The following CSMD1 variants were observed in gnomAD, a reference collection of about 807,000 sequenced individuals.
The protein encoded by CSMD1 is CUB and sushi domain-containing protein 1.
CSMD1 carries 213 observed loss-of-function variants against 417.5 expected under a neutral mutation model. That is an observed-to-expected ratio of 0.51 (90% CI 0.46 to 0.57). The LOEUF (loss-of-function observed/expected upper bound fraction) is 0.57, where lower values mean the gene tolerates loss of function less well. CSMD1 is among the 20% of genes least tolerant of loss of function. The probability of loss-of-function intolerance (pLI) is 0.00; values close to 1 mark genes in which losing one functional copy is unlikely to be tolerated. For synonymous variants in CSMD1, 2,862 were observed against 1,736.8 expected, an observed-to-expected ratio of 1.65 and a Z score of -16.11; for missense variants, 6,923 against 4,529.7, an observed-to-expected ratio of 1.53 and a Z score of -15.17.
intron 49 of CSMD1, among the ~76,000 whole-genome samples, chr8:3,061,352 A>C (rs1251444031): frequency 4.6e-5 from 7 of 152,222 alleles, no homozygotes; most frequent in African/African-American, 1.7e-4. Context: ...AATGTAAAAG[A>C]AAGCATTTTT....
chr8:4,570,285 C>T (rs2693801), intron 2 of CSMD1, among the ~76,000 whole-genome samples: 151,155 of 152,290 alleles, frequency 0.99, 75,027 homozygotes, highest in Middle Eastern at 1. Context: ...TTGTCATACA[C>T]AGCTCTTATT....
chr8:3,719,435 G>A (rs1009887135), intron 6 of CSMD1, among the ~76,000 whole-genome samples: 1 of 152,092 alleles, frequency 6.6e-6, no homozygotes, highest in Non-Finnish European at 1.5e-5. Context: ...CTTTTTCCAG[G>A]CACATAATGC....
chr8:4,411,260 T>C (rs77579838), intron 3 of CSMD1, among the ~76,000 whole-genome samples: 1 of 152,316 alleles, frequency 6.6e-6, no homozygotes, highest in East Asian at 1.9e-4. Context: ...AAATTGATTA[T>C]GAAATGGGCT....
chr8:3,934,593 G>A (rs1052945962), intron 5 of CSMD1, among the ~76,000 whole-genome samples: 2 of 152,258 alleles, frequency 1.3e-5, no homozygotes, highest in Admixed American at 6.5e-5. Context: ...GGTGGCTGAT[G>A]CCTGTAATCT....
In CSMD1 at chr8:3,035,482, T is replaced by C. The variant is rs139053143; in HGVS notation, c.7661-5969A>G. Among the ~76,000 whole-genome samples, 108 of 152,282 alleles carry C rather than the reference T, an allele frequency of 7.1e-4. 2 individuals carry two copies. In the East Asian group the frequency reaches 0.02, roughly 28 times the overall value. On this transcript the variant is annotated intron_variant, in intron 50 of 69. Coordinates refer to ENST00000635120, the MANE Select transcript of CSMD1 (RefSeq NM_033225.6). ...TCATGTTGTGTTTCTGACTTGTCAC[T>C]TTCCCTGAACACTAGAAACAATACG...
At chr8:4,160,331 G>C (rs551043347) in intron 3 of CSMD1, among the ~76,000 whole-genome samples, 127 of 152,194 alleles carry the variant, frequency 8.3e-4, no homozygotes, top group African/African-American at 2.9e-3. Flanking sequence ...ATAAAATAAT[G>C]ATTGAAAACC....
chr8:4,528,208 T>TTTC (rs1338345894), intron 2 of CSMD1, among the ~76,000 whole-genome samples: 22 of 152,330 alleles, frequency 1.4e-4, no homozygotes, highest in African/African-American at 5.1e-4. Flanking sequence ...TGTTTCCAAC[T>TTTC]TTCTGTTCCA....
chr8:3,324,326 C>CCT, intron 23 of CSMD1, among the ~76,000 whole-genome samples: 2 of 151,872 alleles, frequency 1.3e-5, no homozygotes, highest in African/African-American at 4.8e-5. Flanking sequence ...CTTCACCCCA[C>CCT]TAGTCGTCAC....
chr8:4,306,777 T>C (rs1055217068), intron 3 of CSMD1, among the ~76,000 whole-genome samples: 1 of 152,068 alleles, frequency 6.6e-6, no homozygotes, highest in Non-Finnish European at 1.5e-5. Context: ...AGTCCACAGA[T>C]CAGCCCTTCT....
chr8:4,780,917 A>AT (rs1459484024), intron 1 of CSMD1, among the ~76,000 whole-genome samples: 1 of 152,168 alleles, frequency 6.6e-6, no homozygotes, highest in Non-Finnish European at 1.5e-5. Flanking sequence ...TATTGTAATT[A>AT]TTTTTTAAAA....
chr8:4,956,419 A>G (rs1366512231), intron 1 of CSMD1, among the ~76,000 whole-genome samples: 2 of 149,520 alleles, frequency 1.3e-5, no homozygotes, highest in Non-Finnish European at 3.0e-5. Flanking sequence ...ATATTATAAA[A>G]TTCATATGTG....
intron 5 of CSMD1, among the ~76,000 whole-genome samples, chr8:3,916,899 G>C (rs896024545): frequency 2.3e-5 from 3 of 131,262 alleles, no homozygotes; most frequent in African/African-American, 5.1e-5. Context: ...GAAACAGAAT[G>C]AGACATATTA....
At position 3,387,698 on chromosome 8, in the gene CSMD1, G is replaced by A. The variant is rs756241054; in HGVS notation, c.2594-16C>T. 3 of 1,575,430 alleles carry A rather than the reference G, an allele frequency of 1.9e-6. No individual in the cohort carries two copies. The highest frequency in any genetic ancestry group is 2.3e-5 in the East Asian group (1 of 42,944). The stretch of plus-strand genomic sequence containing the variant: ...AGCGTCACACCTGGATGCACAGAAC[G>A]AATGCAGTCGATGAGGATCTTTCTG... On this transcript the variant is annotated splice_polypyrimidine_tract_variant and intron_variant, in intron 17 of 69. Coordinates refer to ENST00000635120, the MANE Select transcript of CSMD1 (RefSeq NM_033225.6).
intron 2 of CSMD1, among the ~76,000 whole-genome samples, chr8:4,571,501 G>A (rs1265711931): frequency 6.6e-6 from 1 of 152,184 alleles, no homozygotes; most frequent in Admixed American, 6.5e-5. Flanking sequence ...ACTGTGGTCT[G>A]AGAGACTGTT....
intron 5 of CSMD1, among the ~76,000 whole-genome samples, chr8:3,921,991 C>T (rs1351345661): frequency 6.6e-6 from 1 of 152,038 alleles, no homozygotes; most frequent in African/African-American, 2.4e-5. Flanking sequence ...CATTAAAGTT[C>T]CATACTGTTA....
intron 5 of CSMD1, among the ~76,000 whole-genome samples, chr8:3,892,116 A>G (rs1401478004): frequency 7.1e-6 from 1 of 141,682 alleles, no homozygotes; most frequent in Non-Finnish European, 1.6e-5. Context: ...GGACAGATAC[A>G]TAAGCTCTAA....
chr8:4,741,745 G>C (rs1235262637), intron 1 of CSMD1, among the ~76,000 whole-genome samples: 2 of 152,034 alleles, frequency 1.3e-5, no homozygotes, highest in Admixed American at 6.5e-5. Context: ...GTTAGAAGTG[G>C]AGAGTCTCAG....
intron 1 of CSMD1, among the ~76,000 whole-genome samples, chr8:4,917,828 C>T (rs1806174027): frequency 6.6e-6 from 1 of 151,676 alleles, no homozygotes; most frequent in African/African-American, 2.4e-5. Context: ...GGCAGTGGTT[C>T]AGATGGAGGA....
intron 1 of CSMD1, among the ~76,000 whole-genome samples, chr8:4,706,899 G>T (rs1185186312): frequency 6.6e-6 from 1 of 152,182 alleles, no homozygotes; most frequent in East Asian, 1.9e-4. Flanking sequence ...GAAAGGCAAG[G>T]CGAAAAGCTT....
Sources: gnomAD v4.1 joint callset for allele counts (sites outside exome capture counted in the v4.1 genomes callset) on GRCh38, gnomAD v4.1.1 for gene constraint, MANE v1.5 for transcripts, NCBI Gene and HGNC (gene_info 2026-07-23, HGNC 2026-07-21) for gene names.